The following CLTCL1 variants were observed in gnomAD, a reference collection of about 807,000 sequenced individuals.
CLTCL1 encodes the protein clathrin heavy chain like 1, also known as clathrin heavy chain 2.
A neutral mutation model predicts 190.0 loss-of-function variants in CLTCL1; 159 were observed. The ratio of observed to expected loss-of-function variants is 0.84; its 90% CI spans 0.74 to 0.95. CLTCL1 has a LOEUF of 0.95. Ranked by LOEUF, CLTCL1 falls within the 40% of genes least tolerant of loss-of-function variation. The pLI, the probability that CLTCL1 is intolerant of heterozygous loss-of-function variation, is 0.00. For synonymous variants in CLTCL1, 752 were observed against 769.6 expected (o/e 0.98, Z 0.38); for missense variants, 1,878 against 2,033.4 (o/e 0.92, Z 1.47).
chr22:19,213,274 A>C (rs1183169136), intron 19 of CLTCL1, among the ~76,000 whole-genome samples: 1 of 152,194 alleles, frequency 6.6e-6, no homozygotes, highest in East Asian at 1.9e-4. Flanking sequence ...ACAATGGCAC[A>C]CTGCTATACA....
At chr22:19,281,461 AC>A (rs1228749546) in intron 1 of CLTCL1, among the ~76,000 whole-genome samples, 1 of 152,250 alleles carries the variant, frequency 6.6e-6, no homozygotes, top group Non-Finnish European at 1.5e-5. Flanking sequence ...GAAAAAAATA[AC>A]AAAGAGTTCT....
intron 19 of CLTCL1, among the ~76,000 whole-genome samples, chr22:19,212,203 G>A (rs1342014049): frequency 6.6e-6 from 1 of 152,070 alleles, no homozygotes; most frequent in Non-Finnish European, 1.5e-5. Flanking sequence ...ATATAGACAA[G>A]CTAATTCTGA....
Position 19,226,294 on chromosome 22 carries a change from C to T in CLTCL1, c.1872G>A (p.Gln624=). 6.2e-7 allele frequency: 1 copy of T among 1,614,050 alleles called. No homozygotes were observed. The highest frequency in any genetic ancestry group is 1.1e-5 in the South Asian group (1 of 91,088). ...GGTCGGTGTAGTGCTCCAGTGCTTG[C>T]TGCAGGAGGCCTGCCTTCTCACAGA... is the stretch of plus-strand genomic sequence containing the variant. The part of the protein sequence containing the change: ...AQLCEKAGLL[Q]QALEHYTDLY... Residue 624 remains glutamine, a synonymous_variant, in exon 12 of 33, where the codon CAG becomes CAA. Transcript: ENST00000427926.
chr22:19,223,321 T>C (rs1373620224), intron 14 of CLTCL1, among the ~76,000 whole-genome samples: 4 of 150,762 alleles, frequency 2.7e-5, no homozygotes, highest in Non-Finnish European at 5.9e-5. Flanking sequence ...CCTCATTTCC[T>C]CCAATGGAAC....
Position 19,208,986 on chromosome 22 carries a change from G to C in CLTCL1, c.3378C>G (p.Asn1126Lys). Residue 1126 changes from asparagine (N) to lysine (K), a missense_variant, in exon 21 of 33, where the codon AAC (asparagine) becomes AAG (lysine). Coordinates refer to ENST00000427926, the MANE Select transcript of CLTCL1 (RefSeq NM_007098.4). ...AAGGGTCGTCCCCTCTGATATAGGA[G>C]TTGATGGCTTCCTTCACCAAATCTT... ...LQKDLVKEAI[N>K]SYIRGDDPSS... 6.2e-7 allele frequency: 1 copy of C among 1,612,128 alleles called. No individual in the cohort carries two copies. The highest frequency in any genetic ancestry group is 8.5e-7 in the Non-Finnish European group (1 of 1,179,198).
Position 19,197,042 on chromosome 22 carries a change from C to T in CLTCL1, c.3874-386G>A, listed in dbSNP as rs2084733646. Reference sequence around the variant, plus strand: ...TCCAACAAACCTTCAACTCCACTCACGATGCCACGTGGCTGTTGTTTCACT... The same window carrying T: ...TCCAACAAACCTTCAACTCCACTCATGATGCCACGTGGCTGTTGTTTCACT... On this transcript the variant is annotated intron_variant, in intron 24 of 32. Transcript: ENST00000427926. Among the ~76,000 whole-genome samples the T allele has an allele frequency of 2.0e-5, 3 of 152,282 alleles. 1 individual carries two copies. Among genetic ancestry groups the T allele is most frequent in the Non-Finnish European group, 4.4e-5 (3 of 68,018 alleles).
chr22:19,263,206 A>C (rs1470131060), intron 2 of CLTCL1, among the ~76,000 whole-genome samples: 1 of 150,704 alleles, frequency 6.6e-6, no homozygotes, highest in African/African-American at 2.4e-5. Context: ...ATATTCTCCC[A>C]TCTCAGCCTC....
At chr22:19,258,935 G>A (rs527950940) in intron 2 of CLTCL1, 21 of 363,284 alleles carry the variant, frequency 5.8e-5, no homozygotes, top group Middle Eastern at 8.2e-4. Context: ...GATGACATTG[G>A]ATCTTGCAAT....
In CLTCL1 at chr22:19,196,331, G is replaced by A. The variant is rs1555935538; in HGVS notation, c.4126C>T (p.Leu1376Phe). 6.2e-7 allele frequency: 1 copy of A among 1,614,006 alleles called. No individual in the cohort carries two copies. The highest frequency in any genetic ancestry group is 8.5e-7 in the Non-Finnish European group (1 of 1,179,888). The change falls in exon 26 of 33, where the codon CTC (leucine) becomes TTC (phenylalanine). Residue 1376 changes from leucine (L) to phenylalanine (F), a missense_variant. Leu to Phe is a conservative substitution (Grantham distance 22). Coordinates refer to ENST00000427926, the MANE Select transcript of CLTCL1 (RefSeq NM_007098.4). ...DKYEEYDNAV[L>F]TMMSHPTEAW... ...TCAGTGGGGTGGCTCATCATGGTGAGCACAGCATTGTCATACTCCTCGTAC... is the reference window on the plus strand; with the variant it reads ...TCAGTGGGGTGGCTCATCATGGTGAACACAGCATTGTCATACTCCTCGTAC...
Position 19,189,286 on chromosome 22 carries a change from T to C in CLTCL1, c.4324-1195A>G, listed in dbSNP as rs888568888. On this transcript the variant is annotated intron_variant, in intron 27 of 32. Transcript: ENST00000427926. ...TATGTAAGACCACTCTGGACTTGTG[T>C]TGCATAAAACAAAATAAACTAAACA... Among the ~76,000 whole-genome samples, 7 of 152,236 alleles carry C rather than the reference T, an allele frequency of 4.6e-5. No individual in the cohort carries two copies. In the South Asian group the frequency reaches 1.4e-3, roughly 31 times the overall value.
chr22:19,264,262 A>T (rs1487649508), intron 2 of CLTCL1, among the ~76,000 whole-genome samples: 7 of 150,870 alleles, frequency 4.6e-5, no homozygotes, highest in Admixed American at 2.0e-4. Flanking sequence ...AAAAAAAAAA[A>T]TGGCTACCAT....
At chr22:19,257,668 C>A (rs1601668570) in intron 2 of CLTCL1, 1 of 530,740 alleles carries the variant, frequency 1.9e-6, no homozygotes, top group South Asian at 1.7e-5. Flanking sequence ...ATCTCTGTGT[C>A]CTGCTCCACC....
At chr22:19,234,792 G>T in intron 6 of CLTCL1, 86 bp from the exon 7 acceptor site, 1 of 1,187,218 alleles carries the variant, frequency 8.4e-7, no homozygotes, top group Non-Finnish European at 1.2e-6. Flanking sequence ...ATGCTGGAGT[G>T]GTAGCCACAT....
intron 2 of CLTCL1, among the ~76,000 whole-genome samples, chr22:19,270,375 A>T (rs2087269150): frequency 6.6e-6 from 1 of 152,122 alleles, no homozygotes; most frequent in Non-Finnish European, 1.5e-5. Context: ...GACATGTTCC[A>T]AAACTGTATT....
chr22:19,288,320 A>G (rs1023951847), intron 1 of CLTCL1, among the ~76,000 whole-genome samples: 4 of 152,180 alleles, frequency 2.6e-5, no homozygotes, highest in African/African-American at 9.7e-5. Flanking sequence ...ATTCAGCTTT[A>G]TCATACATAT....
At chr22:19,246,352 G>A (rs9605963) in intron 3 of CLTCL1, among the ~76,000 whole-genome samples, 58,617 of 151,890 alleles carry the variant, frequency 0.39, 12,147 homozygotes, top group South Asian at 0.54. Flanking sequence ...GAGCCACCAC[G>A]CCTGGCCTTA....
intron 16 of CLTCL1, 42 bp from the exon 17 acceptor site, chr22:19,221,653 C>G: frequency 1.3e-6 from 2 of 1,491,692 alleles, no homozygotes; most frequent in Non-Finnish European, 1.8e-6. Flanking sequence ...AAGGCTACCA[C>G]TGGAAGTCTT....
At chr22:19,280,983 C>G (rs528518916) in intron 1 of CLTCL1, among the ~76,000 whole-genome samples, 1 of 151,624 alleles carries the variant, frequency 6.6e-6, no homozygotes, top group Admixed American at 6.6e-5. Flanking sequence ...ATGGAGCACC[C>G]ATTTTACAAG....
At chr22:19,236,003 A>C in intron 5 of CLTCL1, 134 bp from the exon 6 acceptor site, 1 of 792,340 alleles carries the variant, frequency 1.3e-6, no homozygotes, top group African/African-American at 1.7e-5. Context: ...TCTGTCACCC[A>C]GGCTGGAGTG....
Sources: allele counts gnomAD v4.1 joint callset (sites outside exome capture counted in the v4.1 genomes callset), GRCh38; gene constraint gnomAD v4.1.1; transcripts MANE v1.5; gene names NCBI Gene and HGNC (gene_info 2026-07-23, HGNC 2026-07-21).